Variants in DNAH14 observed in about 807,000 individuals in gnomAD.
DNAH14 encodes axonemal beta dynein heavy chain 14.
Under a neutral mutation model 520.9 loss-of-function variants are expected in DNAH14, and 478 were observed. The ratio of observed to expected loss-of-function variants is 0.92; its 90% CI spans 0.85 to 0.99. DNAH14 has a LOEUF of 0.99. Among genes scored for constraint, DNAH14 ranks in the 50% least tolerant of loss-of-function variants. The pLI is 0.00. For missense variants in DNAH14, 4,831 were observed against 5,234.5 expected (o/e 0.92, Z 2.38); for synonymous variants, 1,581 against 1,757.2 (o/e 0.90, Z 2.51).
At chr1:225,165,589 G>C (rs934211612) in intron 35 of DNAH14, among the ~76,000 whole-genome samples, 3 of 150,828 alleles carry the variant, frequency 2.0e-5, no homozygotes, top group Admixed American at 2.0e-4. Context: ...TTGGTTGGTT[G>C]GTTGGTTGGT....
chr1:225,307,461 G>T lies in DNAH14; in HGVS notation c.9006G>T (p.Arg3002Ser), dbSNP rs759848786. The T allele has an allele frequency of 9.5e-5, 144 of 1,522,560 alleles. No individual in the cohort carries two copies. The highest frequency in any genetic ancestry group is 1.2e-4 in the Non-Finnish European group (138 of 1,135,958). The allele number at this position is 1,522,560 out of a possible 1,614,324, so 94.3% of individuals were successfully genotyped here. The change falls in exon 59 of 86, where the codon AGG becomes AGT. Residue 3002 changes from arginine (R) to serine (S), a missense_variant and splice_region_variant. Physicochemically the swap from Arg to Ser is moderately radical, Grantham distance 110. Coordinates refer to ENST00000682510, the MANE Select transcript of DNAH14 (RefSeq NM_001367479.1). The part of the protein sequence containing the change: ...RAREEEMQTK[R>S]DRFHMGLSTI... ...TTCTTAATACTTTTTCTTCCTTCAG[G>T]GATCGCTTCCATATGGGTCTATCCA...
intron 11 of DNAH14, among the ~76,000 whole-genome samples, chr1:225,033,676 C>G (rs2066717312): frequency 1.3e-5 from 2 of 151,970 alleles, no homozygotes; most frequent in Non-Finnish European, 2.9e-5. Context: ...ATCAGTATAG[C>G]CATTTTAATG....
At chr1:224,989,775 T>C (rs756319583) in intron 8 of DNAH14, among the ~76,000 whole-genome samples, 3 of 152,180 alleles carry the variant, frequency 2.0e-5, no homozygotes, top group Non-Finnish European at 4.4e-5. Flanking sequence ...AAAAGTGTGC[T>C]GAATTTTGTC....
chr1:225,357,234 T>G (rs755890265), intron 73 of DNAH14, among the ~76,000 whole-genome samples: 2 of 152,126 alleles, frequency 1.3e-5, no homozygotes, highest in Non-Finnish European at 2.9e-5. Flanking sequence ...TCAGAATGAT[T>G]TGTGGTTGCT....
chr1:225,333,339 A>T lies in DNAH14; in HGVS notation c.9913A>T (p.Ile3305Phe), dbSNP rs2094842890. The T allele has an allele frequency of 1.3e-6, 2 of 1,551,780 alleles. No homozygotes were observed. Among genetic ancestry groups the T allele is most frequent in the East Asian group, 4.9e-5 (2 of 40,862 alleles). Residue 3305 changes from isoleucine (I) to phenylalanine (F), a missense_variant, in exon 66 of 86, where the codon ATT becomes TTT. Physicochemically the swap from Ile to Phe is conservative, Grantham distance 21. Transcript: ENST00000682510. ...TCAAATAGATAACAAATTAGAAGGA[A>T]TTTTGGGTGACATACTTCTTTCAGC... ...INQIDNKLEGILGDILLSAAC... is the reference protein window; with the variant it reads ...INQIDNKLEGFLGDILLSAAC...
rs984545588 is a variant in DNAH14, at chr1:225,121,338, G to A, written c.4166+2044G>A. On this transcript the variant is annotated intron_variant, in intron 26 of 85. Coordinates refer to ENST00000682510, the MANE Select transcript of DNAH14 (RefSeq NM_001367479.1). ...ATAGTGACCTGCTGTGCAGTAGATC[G>A]CTAAAATTTATTCCTAGTCTAACTG... Among the ~76,000 whole-genome samples, 25 of 152,042 alleles carry A rather than the reference G, an allele frequency of 1.6e-4. 1 individual carries two copies. The highest frequency in any genetic ancestry group is 2.6e-4 in the Non-Finnish European group (18 of 68,014).
chr1:225,181,177 C>A (rs569385048), intron 36 of DNAH14, among the ~76,000 whole-genome samples: 1 of 152,248 alleles, frequency 6.6e-6, no homozygotes, highest in African/African-American at 2.4e-5. Context: ...TTTATGGATG[C>A]AGAGTATTTT....
intron 26 of DNAH14, 85 bp downstream of exon 26, chr1:225,119,379 C>A: frequency 1.1e-6 from 1 of 883,068 alleles, no homozygotes; most frequent in South Asian, 3.0e-5. Flanking sequence ...TTTTAAAACT[C>A]ACTTATCTAC....
At chr1:225,368,395 A>G (rs2095578860) in intron 77 of DNAH14, among the ~76,000 whole-genome samples, 1 of 152,216 alleles carries the variant, frequency 6.6e-6, no homozygotes, top group African/African-American at 2.4e-5. Context: ...ACCACTTAGA[A>G]GAGTGCCTGA....
At chr1:225,045,456 A>G (rs1207606804) in intron 15 of DNAH14, among the ~76,000 whole-genome samples, 1 of 151,868 alleles carries the variant, frequency 6.6e-6, no homozygotes, top group East Asian at 1.9e-4. Context: ...CCTAATGTTC[A>G]TTTTCTGTGC....
At chr1:225,263,272 T>G (rs2093003074) in intron 46 of DNAH14, among the ~76,000 whole-genome samples, 1 of 151,380 alleles carries the variant, frequency 6.6e-6, no homozygotes, top group Non-Finnish European at 1.5e-5. Context: ...ATATAATACT[T>G]GGATATCTTA....
intron 21 of DNAH14, among the ~76,000 whole-genome samples, chr1:225,086,191 G>T (rs1187531457): frequency 6.6e-6 from 1 of 151,784 alleles, no homozygotes; most frequent in Non-Finnish European, 1.5e-5. Context: ...GGAGTGCAGT[G>T]GTGCTGTCTC....
In DNAH14 at chr1:225,305,008, C is replaced by T. The variant is rs116490173; in HGVS notation, c.8924C>T (p.Thr2975Ile). 3,091 of 1,547,006 alleles carry T rather than the reference C, an allele frequency of 2.0e-3. 54 individuals are homozygous for T. The African/African-American group carries it at 0.038, about 19-fold the overall frequency. The change falls in exon 58 of 86, where the codon ACC becomes ATC. Residue 2975 changes from threonine (T) to isoleucine (I), a missense_variant. Thr to Ile is a moderately conservative substitution (Grantham distance 89). Coordinates refer to ENST00000682510, the MANE Select transcript of DNAH14 (RefSeq NM_001367479.1). ...GAAGAAACTGGAAGATTTTATTATACCACTCCCAATAGCTACTTGCAATTT... is the reference window on the plus strand; with the variant it reads ...GAAGAAACTGGAAGATTTTATTATATCACTCCCAATAGCTACTTGCAATTT... ...YFEETGRFYY[T>I]TPNSYLQFME...
chr1:225,058,819 G>C (rs1441393933), intron 17 of DNAH14, among the ~76,000 whole-genome samples: 20 of 152,156 alleles, frequency 1.3e-4, no homozygotes. Flanking sequence ...AGGTTGTTCA[G>C]TTTCCATGTG....
chr1:225,005,676 A>G (rs566410274), intron 9 of DNAH14, among the ~76,000 whole-genome samples: 30 of 152,136 alleles, frequency 2.0e-4, no homozygotes, highest in Non-Finnish European at 3.1e-4. Context: ...GGGAAGATAC[A>G]TTTATTAATT....
intron 17 of DNAH14, among the ~76,000 whole-genome samples, chr1:225,055,145 T>C (rs1434377051): frequency 6.6e-6 from 1 of 152,164 alleles, no homozygotes; most frequent in Non-Finnish European, 1.5e-5. Context: ...TAAAATGTAT[T>C]TATCTGCTAT....
intron 19 of DNAH14, among the ~76,000 whole-genome samples, chr1:225,080,964 A>T (rs1284304096): frequency 6.6e-6 from 1 of 152,184 alleles, no homozygotes; most frequent in Non-Finnish European, 1.5e-5. Context: ...AACAATTTTT[A>T]TGTCCTTTAA....
chr1:225,329,869 A>G (rs1038467383), intron 64 of DNAH14, among the ~76,000 whole-genome samples: 4 of 152,162 alleles, frequency 2.6e-5, no homozygotes, highest in Non-Finnish European at 5.9e-5. Flanking sequence ...GAGATGGCCC[A>G]CAGAATAGGA....
chr1:225,224,995 C>A (rs992216438), intron 41 of DNAH14, among the ~76,000 whole-genome samples: 2 of 152,160 alleles, frequency 1.3e-5, no homozygotes, highest in Non-Finnish European at 1.5e-5. Flanking sequence ...ATATTGGACC[C>A]CACAGCTCAC....
Sources: allele counts gnomAD v4.1 joint callset (sites outside exome capture counted in the v4.1 genomes callset), GRCh38; gene constraint gnomAD v4.1.1; transcripts MANE v1.5; gene names NCBI Gene and HGNC (gene_info 2026-07-23, HGNC 2026-07-21).